MAD1L1: variants seen among roughly 807,000 people sequenced by gnomAD.
MAD1L1 encodes the protein mitotic spindle assembly checkpoint protein MAD1.
A neutral mutation model predicts 96.9 loss-of-function variants in MAD1L1; 95 were observed. That is an observed-to-expected ratio of 0.98 (90% CI 0.83 to 1.16). The LOEUF (loss-of-function observed/expected upper bound fraction) is 1.16. Ranked by LOEUF, MAD1L1 falls within the 50% of genes most tolerant of loss-of-function variation. MAD1L1 has a pLI of 0.00. For synonymous variants in MAD1L1, 473 were observed against 396.6 expected, an observed-to-expected ratio of 1.19 and a Z score of -2.29; for missense variants, 1,007 against 954.4, an observed-to-expected ratio of 1.06 and a Z score of -0.73.
At chr7:1,851,929 G>A (rs954036420) in intron 18 of MAD1L1, among the ~76,000 whole-genome samples, 1 of 152,208 alleles carries the variant, frequency 6.6e-6, no homozygotes, top group Non-Finnish European at 1.5e-5. Context: ...CAATGGGTGG[G>A]ACCAATGGTG....
intron 12 of MAD1L1, among the ~76,000 whole-genome samples, chr7:2,028,482 T>C (rs184342723): frequency 2.1e-3 from 319 of 150,960 alleles, no homozygotes; most frequent in Admixed American, 4.5e-3. Flanking sequence ...AGTACGTCCA[T>C]GGATTAGAAG....
intron 13 of MAD1L1, among the ~76,000 whole-genome samples, chr7:2,005,802 A>C (rs942341043): frequency 2.0e-5 from 3 of 152,190 alleles, no homozygotes; most frequent in African/African-American, 7.2e-5. Context: ...CCCTGTGTCA[A>C]AAAAACAAAA....
intron 10 of MAD1L1, among the ~76,000 whole-genome samples, chr7:2,210,473 C>T (rs1411951935): frequency 2.5e-5 from 3 of 119,136 alleles, no homozygotes; most frequent in African/African-American, 8.0e-5. Context: ...TATTCGGGAC[C>T]GCCAGCCCGC....
At chr7:1,954,419 GC>G (rs749802210) in intron 16 of MAD1L1, among the ~76,000 whole-genome samples, 18 of 152,292 alleles carry the variant, frequency 1.2e-4, no homozygotes, top group Non-Finnish European at 2.1e-4. Context: ...TCAGAGGGCA[GC>G]CGGGAGCCAG....
At chr7:2,086,095 C>T (rs941677488) in intron 11 of MAD1L1, among the ~76,000 whole-genome samples, 8 of 152,186 alleles carry the variant, frequency 5.3e-5, no homozygotes, top group African/African-American at 1.9e-4. Flanking sequence ...CGGCAAGACC[C>T]GTCACCTCCC....
chr7:1,858,841 C>A (rs1177657443), intron 18 of MAD1L1, among the ~76,000 whole-genome samples: 1 of 152,230 alleles, frequency 6.6e-6, no homozygotes, highest in Non-Finnish European at 1.5e-5. Context: ...GTCAGAGCCT[C>A]TGCCCCTCCT....
intron 10 of MAD1L1, among the ~76,000 whole-genome samples, chr7:2,171,878 C>G (rs925340683): frequency 6.6e-6 from 1 of 152,180 alleles, no homozygotes; most frequent in Admixed American, 6.5e-5. Context: ...CCACGCAGCC[C>G]AAGACCAGAC....
intron 11 of MAD1L1, among the ~76,000 whole-genome samples, chr7:2,082,857 C>T (rs1785723161): frequency 6.6e-6 from 1 of 152,256 alleles, no homozygotes; most frequent in Admixed American, 6.5e-5. Context: ...TGCTTCAGCG[C>T]TACCTGGGTA....
intron 18 of MAD1L1, among the ~76,000 whole-genome samples, chr7:1,854,560 T>C (rs1302050792): frequency 1.3e-5 from 2 of 151,906 alleles, no homozygotes; most frequent in African/African-American, 4.8e-5. Flanking sequence ...TATAAGGATG[T>C]TAATCCCATT....
intron 11 of MAD1L1, among the ~76,000 whole-genome samples, chr7:2,082,943 G>C (rs549547659): frequency 2.0e-5 from 3 of 152,214 alleles, no homozygotes; most frequent in Non-Finnish European, 4.4e-5. Flanking sequence ...TCAATACCCC[G>C]TTAGGTGTGG....
intron 10 of MAD1L1, among the ~76,000 whole-genome samples, chr7:2,193,797 C>A (rs999037640): frequency 6.6e-6 from 1 of 152,202 alleles, no homozygotes; most frequent in Non-Finnish European, 1.5e-5. Context: ...CTTCCACAAC[C>A]ACCCTCAGGC....
Position 2,209,529 on chromosome 7 carries a change from C to T in MAD1L1, c.986+3683G>A, listed in dbSNP as rs547007048. 6.6e-5 allele frequency among the ~76,000 whole-genome samples: 10 copies of T among 152,334 alleles called. No individual in the cohort carries two copies. In the South Asian group the frequency reaches 1.9e-3, roughly 28 times the overall value. On this transcript the variant is annotated intron_variant, in intron 10 of 18. Coordinates refer to ENST00000265854, the MANE Select transcript of MAD1L1 (RefSeq NM_001013836.2). ...AGTCAGGAACAGTGGCCACAAGCCC[C>T]TCACATCCCCATCGACCAAAACCCC... is the stretch of plus-strand genomic sequence containing the variant.
intron 18 of MAD1L1, among the ~76,000 whole-genome samples, chr7:1,888,012 CGTGT>C (rs1554284241): frequency 6.8e-6 from 1 of 147,942 alleles, no homozygotes; most frequent in Non-Finnish European, 1.5e-5. Flanking sequence ...GCTGCCTGTA[CGTGT>C]GTGTGCATGC....
chr7:1,906,783 C>T (rs1177560504), intron 17 of MAD1L1, among the ~76,000 whole-genome samples: 1 of 152,246 alleles, frequency 6.6e-6, no homozygotes, highest in Non-Finnish European at 1.5e-5. Context: ...AAGCCACCAT[C>T]CCCTACAGAC....
chr7:2,029,474 T>C (rs1192971023), intron 12 of MAD1L1, among the ~76,000 whole-genome samples: 1 of 152,156 alleles, frequency 6.6e-6, no homozygotes, highest in Admixed American at 6.5e-5. Context: ...AGCTGAGACA[T>C]GGATGGACTG....
intron 18 of MAD1L1, chr7:1,839,003 C>A: frequency 2.7e-6 from 1 of 368,016 alleles, no homozygotes; most frequent in Non-Finnish European, 5.6e-6. Flanking sequence ...CAGCCAGGAA[C>A]TGCCTGCCAG....
chr7:2,061,429 G>A lies in MAD1L1; in HGVS notation c.1218+7765C>T, dbSNP rs545860598. ...GCCTGTCCAGGTGCCCCCAGGAGTCGGTGTCTAACCGGCCAGTGAGCATGT... is the reference window on the plus strand; with the variant it reads ...GCCTGTCCAGGTGCCCCCAGGAGTCAGTGTCTAACCGGCCAGTGAGCATGT... On this transcript the variant is annotated intron_variant, in intron 12 of 18. Coordinates refer to ENST00000265854, the MANE Select transcript of MAD1L1 (RefSeq NM_001013836.2). Among the ~76,000 whole-genome samples, 9 of 152,342 alleles carry A rather than the reference G, an allele frequency of 5.9e-5. No homozygotes were observed. The South Asian group carries it at 8.3e-4, about 14-fold the overall frequency.
intron 17 of MAD1L1, among the ~76,000 whole-genome samples, chr7:1,925,696 T>C (rs1789048987): frequency 6.6e-6 from 1 of 152,246 alleles, no homozygotes; most frequent in Admixed American, 6.5e-5. Context: ...CAAACTATGG[T>C]ACATCTTAAT....
intron 14 of MAD1L1, among the ~76,000 whole-genome samples, chr7:1,981,480 G>A (rs1186788892): frequency 6.6e-6 from 1 of 152,130 alleles, no homozygotes; most frequent in Non-Finnish European, 1.5e-5. Flanking sequence ...ACCCAGAGAC[G>A]CCCCTCACCA....
Sources: gnomAD v4.1 joint callset for allele counts (sites outside exome capture counted in the v4.1 genomes callset) on GRCh38, gnomAD v4.1.1 for gene constraint, MANE v1.5 for transcripts, NCBI Gene and HGNC (gene_info 2026-07-23, HGNC 2026-07-21) for gene names.